Variants in PKNOX2 observed in about 807,000 individuals in gnomAD.
PKNOX2 encodes the protein homeobox protein PKNOX2.
A neutral mutation model predicts 53.1 loss-of-function variants in PKNOX2; 14 were observed. The ratio of observed to expected loss-of-function variants is 0.26; its 90% CI spans 0.17 to 0.41. The LOEUF (loss-of-function observed/expected upper bound fraction) is 0.41. PKNOX2 is among the 10% of genes least tolerant of loss of function. The pLI is 1.00. For missense variants in PKNOX2, 496 were observed against 602.8 expected (o/e 0.82, Z 1.85); for synonymous variants, 257 against 242.8 (o/e 1.06, Z -0.54).
At chr11:125,287,026 T>C (rs1946950279) in intron 2 of PKNOX2, among the ~76,000 whole-genome samples, 1 of 152,234 alleles carries the variant, frequency 6.6e-6, no homozygotes, top group South Asian at 2.1e-4. Flanking sequence ...AGGTCTCTGA[T>C]GCCTGTGAAT....
intron 1 of PKNOX2, among the ~76,000 whole-genome samples, chr11:125,227,083 A>C (rs577471359): frequency 6.6e-6 from 1 of 152,250 alleles, no homozygotes; most frequent in African/African-American, 2.4e-5. Context: ...TAGTGGTGGC[A>C]TATATACGTA....
intron 1 of PKNOX2, among the ~76,000 whole-genome samples, chr11:125,217,259 A>G (rs1940638405): frequency 6.6e-6 from 1 of 151,086 alleles, no homozygotes; most frequent in African/African-American, 2.4e-5. Flanking sequence ...CTCCTTCCAC[A>G]CTCCTCTCTG....
chr11:125,221,052 G>A (rs919289161), intron 1 of PKNOX2, among the ~76,000 whole-genome samples: 7 of 152,202 alleles, frequency 4.6e-5, no homozygotes, highest in Non-Finnish European at 7.3e-5. Flanking sequence ...CTACTTGGGA[G>A]GCAGAGGCAG....
Position 125,249,026 on chromosome 11 carries a change from ATATAG to A in PKNOX2, c.-130+13916_-130+13920del, listed in dbSNP as rs1206103285. ...TAATATATTATATATAACTTATATA[ATATAG>A]TATATATAACCTATATATTATATAT... is the stretch of plus-strand genomic sequence containing the variant. On this transcript the variant is annotated intron_variant, in intron 2 of 12. Transcript: ENST00000298282. Among the ~76,000 whole-genome samples, 4 of 122,240 alleles carry A rather than the reference ATATAG, an allele frequency of 3.3e-5. 1 individual carries two copies. Among genetic ancestry groups the A allele is most frequent in the African/African-American group, 8.5e-5 (3 of 35,092 alleles). 80.2% of individuals were successfully genotyped at this position (122,240 alleles called of 152,430 possible).
intron 8 of PKNOX2, 49 bp downstream of exon 8, chr11:125,410,374 G>C: frequency 6.2e-7 from 1 of 1,609,342 alleles, no homozygotes; most frequent in Middle Eastern, 1.7e-4. Context: ...CCTGGGAGGA[G>C]AAAGGGTGGC....
chr11:125,370,035 G>A lies in PKNOX2; in HGVS notation c.227+2050G>A, dbSNP rs541943212. On this transcript the variant is annotated intron_variant, in intron 5 of 12. Transcript: ENST00000298282. This position sits in a 1 kb window ranked among gnomAD's most constrained non-coding sequence, Gnocchi z 4.1. ...CCTATGCATACTGAAGACTCACCTC[G>A]CAGCTGCTCAGACCCCTGGGTCAGG... Among the ~76,000 whole-genome samples, 9 of 152,040 alleles carry A rather than the reference G, an allele frequency of 5.9e-5. No homozygotes were observed. The highest frequency in any genetic ancestry group is 1.9e-4 in the East Asian group (1 of 5,170).
At chr11:125,429,940 G>A (rs775447437) in intron 11 of PKNOX2, 23 bp from the exon 12 acceptor site, 1 of 1,610,160 alleles carries the variant, frequency 6.2e-7, no homozygotes, top group Non-Finnish European at 8.5e-7. Context: ...GACTAACCAG[G>A]TCTCCACTTT....
chr11:125,260,936 CTT>C (rs1049012465), intron 2 of PKNOX2, among the ~76,000 whole-genome samples: 1 of 152,190 alleles, frequency 6.6e-6, no homozygotes, highest in Non-Finnish European at 1.5e-5. Flanking sequence ...GAATTTCTGA[CTT>C]TGCTACTTTC....
intron 1 of PKNOX2, among the ~76,000 whole-genome samples, chr11:125,197,827 G>T (rs1290462198): frequency 6.6e-6 from 1 of 152,200 alleles, no homozygotes; most frequent in Non-Finnish European, 1.5e-5. Context: ...CTCAGGGTGG[G>T]TCATCTCGGT....
chr11:125,341,472 A>G (rs545504581), intron 3 of PKNOX2, among the ~76,000 whole-genome samples: 4 of 152,352 alleles, frequency 2.6e-5, no homozygotes, highest in East Asian at 1.9e-4. Context: ...CATATTGTAT[A>G]GGCTGCCCCT....
chr11:125,238,438 C>T lies in PKNOX2; in HGVS notation c.-130+3323C>T, dbSNP rs183558953. On this transcript the variant is annotated intron_variant, in intron 2 of 12. Transcript: ENST00000298282. ...CTATGTTATGGGATGATGTTATTATCTCTATTACAGAAGAGGAGAGGAGGC... is the reference window on the plus strand; with the variant it reads ...CTATGTTATGGGATGATGTTATTATTTCTATTACAGAAGAGGAGAGGAGGC... Among the ~76,000 whole-genome samples the T allele has an allele frequency of 1.3e-3, 192 of 152,264 alleles. 2 individuals carry two copies. Among genetic ancestry groups the T allele is most frequent in the Non-Finnish European group, 1.9e-4 (13 of 68,014 alleles).
intron 2 of PKNOX2, among the ~76,000 whole-genome samples, chr11:125,292,703 T>G (rs893908439): frequency 4.6e-5 from 7 of 152,156 alleles, no homozygotes; most frequent in Non-Finnish European, 1.0e-4. Flanking sequence ...ACCCCTTCCT[T>G]TCTCTCTTCC....
intron 2 of PKNOX2, among the ~76,000 whole-genome samples, chr11:125,247,501 G>T (rs1414094151): frequency 2.0e-5 from 3 of 152,312 alleles, no homozygotes; most frequent in Non-Finnish European, 4.4e-5. Flanking sequence ...TGCCTTGTCT[G>T]CAGGGCAGAT....
chr11:125,200,892 C>T (rs1938355666), intron 1 of PKNOX2, among the ~76,000 whole-genome samples: 1 of 152,204 alleles, frequency 6.6e-6, no homozygotes, highest in African/African-American at 2.4e-5. Flanking sequence ...CAAAGGGACT[C>T]CCCCTCTAGA....
At chr11:125,409,898 T>A (rs1376520737) in intron 7 of PKNOX2, 5 of 253,076 alleles carry the variant, frequency 2.0e-5, no homozygotes, top group Non-Finnish European at 1.5e-5. Flanking sequence ...TACTGGAGAT[T>A]TCAAAGTACA....
At chr11:125,198,792 C>T (rs1216309960) in intron 1 of PKNOX2, among the ~76,000 whole-genome samples, 2 of 151,742 alleles carry the variant, frequency 1.3e-5, no homozygotes, top group Non-Finnish European at 2.9e-5. Flanking sequence ...TCTCCCTCAC[C>T]TCTCTCCTGA....
intron 1 of PKNOX2, among the ~76,000 whole-genome samples, chr11:125,169,018 G>GT (rs1164311407): frequency 6.6e-6 from 1 of 152,158 alleles, no homozygotes; most frequent in Admixed American, 6.5e-5. Flanking sequence ...TTCGAGGAGG[G>GT]TGAGAAAGGC....
At chr11:125,376,384 AC>A (rs1305025887) in intron 5 of PKNOX2, among the ~76,000 whole-genome samples, 2 of 151,830 alleles carry the variant, frequency 1.3e-5, no homozygotes, top group African/African-American at 2.4e-5. Context: ...GCTCGCTCCC[AC>A]CCCCCTCTGT....
At chr11:125,384,763 C>T (rs1010423519) in intron 5 of PKNOX2, among the ~76,000 whole-genome samples, 4 of 152,136 alleles carry the variant, frequency 2.6e-5, no homozygotes, top group African/African-American at 9.7e-5. Flanking sequence ...CCCCCCGCCC[C>T]GACCACCACA....
Sources: allele counts gnomAD v4.1 joint callset (sites outside exome capture counted in the v4.1 genomes callset), GRCh38; gene constraint gnomAD v4.1.1; non-coding constraint Gnocchi (gnomAD v3.1); transcripts MANE v1.5; gene names NCBI Gene and HGNC (gene_info 2026-07-23, HGNC 2026-07-21).